PRELID2: variants seen among roughly 807,000 people sequenced by gnomAD.
PRELID2 encodes the protein PRELI domain containing 2.
In PRELID2, 25 loss-of-function variants were observed where a neutral mutation model predicts 28.4. That is an observed-to-expected ratio of 0.88 (90% CI 0.64 to 1.23). PRELID2 has a LOEUF of 1.23. Ranked by LOEUF, PRELID2 falls within the 50% of genes most tolerant of loss-of-function variation. The pLI is 0.00. For synonymous variants in PRELID2, 76 were observed against 71.6 expected (o/e 1.06, Z -0.31); for missense variants, 201 against 214.4 (o/e 0.94, Z 0.39).
intron 1 of PRELID2, among the ~76,000 whole-genome samples, chr5:145,740,734 T>C (rs1387963924): frequency 8.5e-6 from 1 of 117,016 alleles, no homozygotes; most frequent in East Asian, 2.4e-4. Flanking sequence ...CATTAAATAT[T>C]ATATATAAAT....
the PRELID2 span, among the ~76,000 whole-genome samples, chr5:145,419,030 T>A: frequency 1.3e-5 from 2 of 151,082 alleles, no homozygotes; most frequent in South Asian, 2.1e-4. Context: ...ATTTCCAATT[T>A]CATCCATGTC....
chr5:145,371,424 G>A, the PRELID2 span, among the ~76,000 whole-genome samples: 1 of 152,084 alleles, frequency 6.6e-6, no homozygotes, highest in African/African-American at 2.4e-5. Context: ...TTATTGACTA[G>A]TGTATGTTGA....
At chr5:145,245,631 C>T in the PRELID2 span, among the ~76,000 whole-genome samples, 2 of 151,948 alleles carry the variant, frequency 1.3e-5, no homozygotes, top group Non-Finnish European at 2.9e-5. Flanking sequence ...TCTCCGCTGC[C>T]CTGAAGGACT....
the PRELID2 span, among the ~76,000 whole-genome samples, chr5:145,260,278 A>T: frequency 6.6e-6 from 1 of 152,182 alleles, no homozygotes; most frequent in Admixed American, 6.5e-5. Flanking sequence ...GTGAGAAAGG[A>T]TCAATTCAGC....
At chr5:145,830,635 C>A (rs620323) in intron 1 of PRELID2, among the ~76,000 whole-genome samples, 1 of 152,064 alleles carries the variant, frequency 6.6e-6, no homozygotes, top group Admixed American at 6.5e-5. Context: ...TGCATTGACA[C>A]TATAGTTCTT....
the PRELID2 span, among the ~76,000 whole-genome samples, chr5:145,411,951 G>A: frequency 6.6e-6 from 1 of 152,162 alleles, no homozygotes; most frequent in Non-Finnish European, 1.5e-5. Flanking sequence ...CTGTACCTTG[G>A]CCCCTTTTAG....
chr5:145,695,576 T>C (rs1410937936), intron 1 of PRELID2, among the ~76,000 whole-genome samples: 1 of 151,676 alleles, frequency 6.6e-6, no homozygotes, highest in Non-Finnish European at 1.5e-5. Flanking sequence ...ATTCAGGTCC[T>C]GGCTCAGAGT....
chr5:145,819,769 T>C (rs1581269198), intron 3 of PRELID2, 176 bp downstream of exon 3: 2 of 610,732 alleles, frequency 3.3e-6, no homozygotes, highest in South Asian at 4.3e-5. Context: ...GTATCTCCAG[T>C]GGCATCTGCT....
chr5:145,791,080 G>A (rs1009708899), intron 5 of PRELID2, among the ~76,000 whole-genome samples: 1 of 152,028 alleles, frequency 6.6e-6, no homozygotes, highest in African/African-American at 2.4e-5. Context: ...AATTTATAAA[G>A]GAAAGAGTTT....
chr5:145,791,824 G>C (rs1402894689), intron 5 of PRELID2, among the ~76,000 whole-genome samples: 1 of 152,142 alleles, frequency 6.6e-6, no homozygotes, highest in Non-Finnish European at 1.5e-5. Context: ...TACATCTGCA[G>C]TACACAGAAA....
chr5:145,579,202 G>C (rs1753087227), intron 1 of PRELID2, among the ~76,000 whole-genome samples: 1 of 152,038 alleles, frequency 6.6e-6, no homozygotes. Context: ...GAAACCCAAG[G>C]AAATGTATAT....
intron 1 of PRELID2, among the ~76,000 whole-genome samples, chr5:145,667,643 T>C (rs1443672674): frequency 6.6e-6 from 1 of 152,070 alleles, no homozygotes; most frequent in Non-Finnish European, 1.5e-5. Flanking sequence ...CCTTCTCCAG[T>C]ATGGCTTGGG....
chr5:145,404,203 C>T, the PRELID2 span, among the ~76,000 whole-genome samples: 1 of 152,108 alleles, frequency 6.6e-6, no homozygotes, highest in African/African-American at 2.4e-5. Context: ...AGAGCAAACA[C>T]GGAACAGTGA....
At chr5:145,425,279 A>G in the PRELID2 span, among the ~76,000 whole-genome samples, 1 of 152,184 alleles carries the variant, frequency 6.6e-6, no homozygotes, top group Non-Finnish European at 1.5e-5. Context: ...GGTTGTGGAG[A>G]AAAATGAATC....
chr5:145,811,303 A>G (rs545822757), intron 4 of PRELID2, among the ~76,000 whole-genome samples: 2 of 151,980 alleles, frequency 1.3e-5, no homozygotes, highest in African/African-American at 4.8e-5. Context: ...ACACAGCAAA[A>G]CCATATCAGG....
At chr5:145,770,491 G>A (rs1758035361) in intron 5 of PRELID2, among the ~76,000 whole-genome samples, 1 of 152,170 alleles carries the variant, frequency 6.6e-6, no homozygotes, top group Non-Finnish European at 1.5e-5. Context: ...GCAACAAAGT[G>A]AGAGACCCTG....
rs141089712 is a variant in PRELID2, at chr5:145,562,760, C to T, written n.71-89445G>A. Among the ~76,000 whole-genome samples, 261 of 151,358 alleles carry T rather than the reference C, an allele frequency of 1.7e-3. 1 individual carries two copies. The highest frequency in any genetic ancestry group is 5.4e-3 in the African/African-American group (223 of 41,152). On this transcript the variant is annotated intron_variant and non_coding_transcript_variant, in intron 1 of 2. Coordinates refer to the PRELID2 transcript ENST00000510259. The stretch of plus-strand genomic sequence containing the variant: ...AACCATAGGAGAAAATCTAGATGTG[C>T]GTTAACAGAGTTTACAGACACAGAA...
intron 4 of PRELID2, among the ~76,000 whole-genome samples, chr5:145,817,586 T>C (rs1404538096): frequency 6.6e-6 from 1 of 151,638 alleles, no homozygotes; most frequent in African/African-American, 2.4e-5. Flanking sequence ...AGTATATATA[T>C]AAGGATCTAA....
At chr5:145,288,453 A>G in the PRELID2 span, among the ~76,000 whole-genome samples, 2 of 151,988 alleles carry the variant, frequency 1.3e-5, no homozygotes, top group African/African-American at 4.8e-5. Flanking sequence ...GTTTCTGAGC[A>G]GTTTCTTAAA....
Sources: allele counts gnomAD v4.1 joint callset (sites outside exome capture counted in the v4.1 genomes callset), GRCh38; gene constraint gnomAD v4.1.1; transcripts MANE v1.5; gene names NCBI Gene and HGNC (gene_info 2026-07-23, HGNC 2026-07-21).